FAM222B: variants seen among roughly 807,000 people sequenced by gnomAD.
FAM222B encodes the protein family with sequence similarity 222 member B.
In FAM222B, 12 loss-of-function variants were observed where a neutral mutation model predicts 38.0. The ratio of observed to expected loss-of-function variants is 0.32; its 90% confidence interval spans 0.20 to 0.51. The LOEUF is 0.51. Ranked by LOEUF, FAM222B falls within the 20% of genes least tolerant of loss-of-function variation. The probability of loss-of-function intolerance (pLI) is 0.97; values close to 1 mark genes in which losing one functional copy is unlikely to be tolerated. For missense variants in FAM222B, 716 were observed against 754.2 expected, an observed-to-expected ratio of 0.95 and a Z score of 0.59; for synonymous variants, 329 against 317.2, an observed-to-expected ratio of 1.04 and a Z score of -0.40.
intron 1 of FAM222B, among the ~76,000 whole-genome samples, chr17:28,817,535 A>C (rs2038068032): frequency 6.6e-6 from 1 of 152,204 alleles, no homozygotes; most frequent in South Asian, 2.1e-4. Context: ...AGCCAGGCCA[A>C]CATGGTGAAA....
upstream of FAM222B, among the ~76,000 whole-genome samples, chr17:28,846,969 A>T (rs1056556206): frequency 3.9e-5 from 6 of 151,964 alleles, no homozygotes; most frequent in Non-Finnish European, 8.8e-5. Context: ...GACGCCTGTA[A>T]TCCCAGCACT....
chr17:28,770,771 T>C (rs2035590185), intron 1 of FAM222B, among the ~76,000 whole-genome samples: 1 of 151,674 alleles, frequency 6.6e-6, no homozygotes, highest in Admixed American at 6.6e-5. Flanking sequence ...AGGGTTTCAC[T>C]GTGTTAGCCA....
chr17:28,851,994 G>A (rs71372399), intron 1 of FAM222B, among the ~76,000 whole-genome samples: 3,151 of 152,000 alleles, frequency 0.021, 75 homozygotes, highest in Non-Finnish European at 0.035. Flanking sequence ...GGAGGTTGCA[G>A]TGCGCCAAAA....
chr17:28,777,568 G>A (rs2035949348), intron 1 of FAM222B, among the ~76,000 whole-genome samples: 1 of 152,076 alleles, frequency 6.6e-6, no homozygotes, highest in South Asian at 2.1e-4. Flanking sequence ...ATCCTTCCAT[G>A]TTACAGAGTC....
chr17:28,807,002 C>T (rs1416021712), intron 1 of FAM222B, among the ~76,000 whole-genome samples: 4 of 151,828 alleles, frequency 2.6e-5, no homozygotes, highest in African/African-American at 9.7e-5. Flanking sequence ...AAAAGTAAGA[C>T]TATTTATCTT....
At chr17:28,854,554 G>A (rs1478293533) in intron 1 of FAM222B, among the ~76,000 whole-genome samples, 1 of 152,190 alleles carries the variant, frequency 6.6e-6, no homozygotes, top group Non-Finnish European at 1.5e-5. Context: ...GGCCACCGCT[G>A]ACCTCTAGGG....
At position 28,776,675 on chromosome 17, in the gene FAM222B, T is replaced by C. The variant is rs548516935; in HGVS notation, c.-40-9968A>G. Reference sequence around the variant, plus strand: ...CTCACTTTGTTGCCCAGGCTGCTGCTGAACTCCTGCTGAAGCAATCTTCTG... The same window carrying C: ...CTCACTTTGTTGCCCAGGCTGCTGCCGAACTCCTGCTGAAGCAATCTTCTG... On this transcript the variant is annotated intron_variant, in intron 1 of 2. Coordinates refer to ENST00000581407, the MANE Select transcript of FAM222B (RefSeq NM_001077498.3). 9.9e-5 allele frequency among the ~76,000 whole-genome samples: 15 copies of C among 152,076 alleles called. No homozygotes were observed. The East Asian group carries it at 2.5e-3, about 26-fold the overall frequency.
At chr17:28,768,713 G>A (rs993771089) in intron 1 of FAM222B, among the ~76,000 whole-genome samples, 1 of 151,864 alleles carries the variant, frequency 6.6e-6, no homozygotes, top group African/African-American at 2.4e-5. Context: ...GCGCATGCCT[G>A]TAGTCCCAGC....
At chr17:28,802,396 C>G (rs959289414) in intron 1 of FAM222B, 5 of 147,306 alleles carry the variant, frequency 3.4e-5, no homozygotes, top group African/African-American at 1.3e-4. Context: ...CTGCGCCCAG[C>G]CAGAAACCCC....
At chr17:28,808,210 C>T (rs2037581661) in intron 1 of FAM222B, among the ~76,000 whole-genome samples, 1 of 152,148 alleles carries the variant, frequency 6.6e-6, no homozygotes, top group South Asian at 2.1e-4. Flanking sequence ...GTTACAAAAC[C>T]AAAATAATCA....
intron 1 of FAM222B, among the ~76,000 whole-genome samples, chr17:28,775,760 A>C (rs2035858555): frequency 6.6e-6 from 1 of 151,866 alleles, no homozygotes; most frequent in Non-Finnish European, 1.5e-5. Flanking sequence ...TCGAGACTAT[A>C]GTCCCAGCTA....
chr17:28,806,290 T>C (rs2037494822), intron 1 of FAM222B, among the ~76,000 whole-genome samples: 1 of 152,328 alleles, frequency 6.6e-6, no homozygotes, highest in Middle Eastern at 3.4e-3. Flanking sequence ...TTCCACTTTT[T>C]GGTCTCTGTG....
intron 1 of FAM222B, among the ~76,000 whole-genome samples, chr17:28,828,807 T>C (rs2038538118): frequency 6.6e-6 from 1 of 152,118 alleles, no homozygotes; most frequent in Non-Finnish European, 1.5e-5. Context: ...TTCTCATAAA[T>C]GCATAGTTGT....
intron 1 of FAM222B, among the ~76,000 whole-genome samples, chr17:28,776,861 C>T (rs1163673659): frequency 6.6e-6 from 1 of 152,036 alleles, no homozygotes; most frequent in Non-Finnish European, 1.5e-5. Flanking sequence ...AGGGAGACAC[C>T]AAAATGCTGC....
At chr17:28,820,934 C>G (rs2038192355) in intron 1 of FAM222B, among the ~76,000 whole-genome samples, 1 of 151,578 alleles carries the variant, frequency 6.6e-6, no homozygotes, top group Non-Finnish European at 1.5e-5. Context: ...GCCACTGCAC[C>G]CAGTCTGGTA....
intron 1 of FAM222B, among the ~76,000 whole-genome samples, chr17:28,799,282 T>C (rs2151895202): frequency 6.7e-6 from 1 of 148,184 alleles, no homozygotes; most frequent in South Asian, 2.1e-4. Context: ...CTCTTGTTTT[T>C]GTAACACAGA....
chr17:28,824,129 G>A (rs1427689204), intron 1 of FAM222B, among the ~76,000 whole-genome samples: 1 of 151,566 alleles, frequency 6.6e-6, no homozygotes, highest in Non-Finnish European at 1.5e-5. Flanking sequence ...CACCCGCCTC[G>A]GCCTCCCAAA....
At chr17:28,775,751 C>A (rs1339982890) in intron 1 of FAM222B, among the ~76,000 whole-genome samples, 2 of 150,522 alleles carry the variant, frequency 1.3e-5, no homozygotes, top group Admixed American at 6.6e-5. Context: ...CATGGTGGCT[C>A]GAGACTATAG....
chr17:28,801,913 G>A (rs1380846836), intron 1 of FAM222B, among the ~76,000 whole-genome samples: 1 of 151,244 alleles, frequency 6.6e-6, no homozygotes, highest in Non-Finnish European at 1.5e-5. Flanking sequence ...GAAGCAACAC[G>A]AATGTTGTCT....
Sources: allele counts gnomAD v4.1 joint callset (sites outside exome capture counted in the v4.1 genomes callset), GRCh38; gene constraint gnomAD v4.1.1; transcripts MANE v1.5; gene names NCBI Gene and HGNC (gene_info 2026-07-23, HGNC 2026-07-21).